The following PLA2G4E variants were observed in gnomAD, a reference collection of about 807,000 sequenced individuals.
The protein encoded by PLA2G4E is cytosolic phospholipase A2 epsilon.
PLA2G4E carries 84 observed loss-of-function variants against 109.1 expected under a neutral mutation model. That is an observed-to-expected ratio of 0.77 (90% CI 0.65 to 0.92). PLA2G4E has a LOEUF of 0.92. PLA2G4E is among the 40% of genes least tolerant of loss of function. The pLI, the probability that PLA2G4E is intolerant of heterozygous loss-of-function variation, is 0.00. For synonymous variants in PLA2G4E, 469 were observed against 436.1 expected (o/e 1.08, Z -0.94); for missense variants, 1,057 against 1,076.6 (o/e 0.98, Z 0.25).
At chr15:42,033,622 C>A (rs990480877) in intron 1 of PLA2G4E, among the ~76,000 whole-genome samples, 1 of 152,112 alleles carries the variant, frequency 6.6e-6, no homozygotes, top group Admixed American at 6.5e-5. Flanking sequence ...GGTGACTCTG[C>A]AGTCCTGGTT....
intron 2 of PLA2G4E, among the ~76,000 whole-genome samples, chr15:42,012,403 T>G (rs925626979): frequency 5.3e-5 from 8 of 152,206 alleles, no homozygotes; most frequent in Admixed American, 2.6e-4. Context: ...CAGACCCTAC[T>G]TCCCTCTTAG....
intron 1 of PLA2G4E, among the ~76,000 whole-genome samples, chr15:42,015,386 G>A (rs183579979): frequency 2.4e-4 from 36 of 152,284 alleles, no homozygotes; most frequent in African/African-American, 6.0e-4. Context: ...GGCCCCAGGC[G>A]TTAAGCCTGT....
chr15:41,994,639 C>A (rs1242838335), intron 12 of PLA2G4E, among the ~76,000 whole-genome samples: 1 of 152,146 alleles, frequency 6.6e-6, no homozygotes, highest in Non-Finnish European at 1.5e-5. Context: ...GCTGGGATTA[C>A]AGATGTGAGC....
chr15:41,999,208 A>G, intron 10 of PLA2G4E: 1 of 239,806 alleles, frequency 4.2e-6, no homozygotes, highest in Non-Finnish European at 8.1e-6. Flanking sequence ...AAGGACACCA[A>G]CAAGAATGTG....
intron 12 of PLA2G4E, among the ~76,000 whole-genome samples, chr15:41,994,510 A>C (rs2068306133): frequency 6.6e-6 from 1 of 152,056 alleles, no homozygotes; most frequent in Non-Finnish European, 1.5e-5. Flanking sequence ...TGGGCCCCAC[A>C]AAAAATGTTT....
intron 1 of PLA2G4E, among the ~76,000 whole-genome samples, chr15:42,049,927 C>G (rs1035818053): frequency 3.3e-5 from 5 of 152,216 alleles, no homozygotes; most frequent in African/African-American, 1.2e-4. Context: ...TGTTTGATTT[C>G]TGTAGCCCAC....
intron 1 of PLA2G4E, among the ~76,000 whole-genome samples, chr15:42,017,343 C>T (rs2068605064): frequency 6.6e-6 from 1 of 152,226 alleles, no homozygotes; most frequent in African/African-American, 2.4e-5. Context: ...CATCATCTAA[C>T]CTCAGTGCCT....
At chr15:42,004,736 A>T (rs1039451267) in intron 5 of PLA2G4E, among the ~76,000 whole-genome samples, 1 of 152,160 alleles carries the variant, frequency 6.6e-6, no homozygotes, top group Non-Finnish European at 1.5e-5. Flanking sequence ...GAACTGGGTA[A>T]GTGCAGTGGG....
chr15:42,036,623 C>T (rs1889221349), intron 1 of PLA2G4E, among the ~76,000 whole-genome samples: 1 of 152,194 alleles, frequency 6.6e-6, no homozygotes, highest in Non-Finnish European at 1.5e-5. Flanking sequence ...TCCACACCAC[C>T]CTGGACCGCC....
intron 1 of PLA2G4E, among the ~76,000 whole-genome samples, chr15:42,035,830 T>A (rs1823552): frequency 0.83 from 125,681 of 152,126 alleles, 52,260 homozygotes; most frequent in South Asian, 0.95. Flanking sequence ...TATATTGCTT[T>A]ATACTTTTTT....
chr15:42,050,606 C>A, exon 1 of PLA2G4E: 2 of 1,550,634 alleles, frequency 1.3e-6, no homozygotes, highest in South Asian at 2.4e-5. Context: ...ACTGAAACTT[C>A]TTCCTGACCT....
At chr15:41,997,543 G>C (rs1270596296) in intron 10 of PLA2G4E, 12 of 236,204 alleles carry the variant, frequency 5.1e-5, no homozygotes, top group Non-Finnish European at 8.1e-5. Context: ...ACTGTGTTAG[G>C]GACGCTTTGA....
chr15:41,990,177 A>G, exon 14 of PLA2G4E: 4 of 1,613,752 alleles, frequency 2.5e-6, no homozygotes, highest in Non-Finnish European at 3.4e-6. Context: ...GTAGATGGGC[A>G]GGGGGTTCTG....
At chr15:42,043,564 C>CAAAA (rs58079481) in intron 1 of PLA2G4E, among the ~76,000 whole-genome samples, 40 of 95,302 alleles carry the variant, frequency 4.2e-4, no homozygotes, top group Non-Finnish European at 5.6e-4. Context: ...ATGGAGGATA[C>CAAAA]AAAAAAAAAA....
At chr15:42,012,432 T>C (rs900324697) in intron 2 of PLA2G4E, among the ~76,000 whole-genome samples, 12 of 152,182 alleles carry the variant, frequency 7.9e-5, no homozygotes, top group African/African-American at 2.9e-4. Flanking sequence ...TAACCTCTTG[T>C]TGCAAAATGG....
At chr15:41,999,627 C>T (rs2068392128) in intron 9 of PLA2G4E, 66 bp from the exon 10 acceptor site, 4 of 1,578,630 alleles carry the variant, frequency 2.5e-6, no homozygotes, top group Non-Finnish European at 2.6e-6. Flanking sequence ...CCCAGATCCA[C>T]ACTGTCCACC....
At chr15:42,000,852 G>A (rs955672448) in intron 7 of PLA2G4E, among the ~76,000 whole-genome samples, 1 of 152,208 alleles carries the variant, frequency 6.6e-6, no homozygotes, top group African/African-American at 2.4e-5. Flanking sequence ...CACTGACCTA[G>A]GCAATCTGAG....
intron 12 of PLA2G4E, 102 bp from the exon 13 acceptor site, chr15:41,993,061 A>C: frequency 2.9e-6 from 3 of 1,028,312 alleles, no homozygotes; most frequent in Non-Finnish European, 4.2e-6. Flanking sequence ...GAGAACCCTA[A>C]CCTGCCAGGA....
chr15:42,031,546 T>C (rs1306965328), intron 1 of PLA2G4E, among the ~76,000 whole-genome samples: 4 of 152,078 alleles, frequency 2.6e-5, no homozygotes, highest in Non-Finnish European at 5.9e-5. Flanking sequence ...CTTTCTCCCA[T>C]AGGCTTCCCT....
Sources: allele counts gnomAD v4.1 joint callset (sites outside exome capture counted in the v4.1 genomes callset), GRCh38; gene constraint gnomAD v4.1.1; transcripts MANE v1.5; gene names NCBI Gene and HGNC (gene_info 2026-07-23, HGNC 2026-07-21).